Variants in PPP2R2C observed in about 807,000 individuals in gnomAD.
The protein encoded by PPP2R2C is protein phosphatase 2, regulatory subunit B, gamma.
In PPP2R2C, 10 loss-of-function variants were observed where a neutral mutation model predicts 45.3. That is an observed-to-expected ratio of 0.22 (90% CI 0.14 to 0.37). PPP2R2C has a LOEUF of 0.37. PPP2R2C is among the 10% of genes least tolerant of loss of function. The pLI is 1.00. For missense variants in PPP2R2C, 308 were observed against 619.7 expected (o/e 0.50, Z 5.34); for synonymous variants, 257 against 245.4 (o/e 1.05, Z -0.44).
intron 1 of PPP2R2C, among the ~76,000 whole-genome samples, chr4:6,393,875 C>T (rs1187244159): frequency 1.3e-5 from 2 of 152,178 alleles, no homozygotes; most frequent in African/African-American, 2.4e-5. Flanking sequence ...GTGCTCAGAG[C>T]CAGGATGACA....
chr4:6,351,857 C>T (rs1007255610), intron 5 of PPP2R2C, among the ~76,000 whole-genome samples: 3 of 152,152 alleles, frequency 2.0e-5, no homozygotes, highest in African/African-American at 7.2e-5. Flanking sequence ...CTGGTCCGTG[C>T]GACCGCCTCT....
At chr4:6,539,068 G>A (rs1724723704) in intron 1 of PPP2R2C, among the ~76,000 whole-genome samples, 1 of 152,000 alleles carries the variant, frequency 6.6e-6, no homozygotes, top group African/African-American at 2.4e-5. Context: ...AAATAGGGTA[G>A]TTGCAGATGA....
intron 1 of PPP2R2C, among the ~76,000 whole-genome samples, chr4:6,424,175 G>C (rs1719145466): frequency 6.6e-6 from 1 of 152,216 alleles, no homozygotes; most frequent in African/African-American, 2.4e-5. Flanking sequence ...TCCAGCTCTG[G>C]AGAGGAAGTC....
intron 4 of PPP2R2C, among the ~76,000 whole-genome samples, chr4:6,375,299 C>G (rs540706514): frequency 9.0e-4 from 137 of 152,304 alleles, no homozygotes; most frequent in African/African-American, 3.0e-3. Context: ...TATGGCGGCT[C>G]ACTGGATGCT....
At chr4:6,528,937 G>A (rs112947253) in intron 2 of PPP2R2C, among the ~76,000 whole-genome samples, 7 of 152,218 alleles carry the variant, frequency 4.6e-5, no homozygotes, top group African/African-American at 9.6e-5. Context: ...AGACTCAGCC[G>A]GCCTGCAACC....
At chr4:6,325,130 G>A (rs1338007245) in intron 8 of PPP2R2C, among the ~76,000 whole-genome samples, 1 of 152,124 alleles carries the variant, frequency 6.6e-6, no homozygotes, top group African/African-American at 2.4e-5. Context: ...AGTCCGCCTG[G>A]GTCCGGATCC....
chr4:6,337,110 G>GTATATATA (rs1207923428), intron 6 of PPP2R2C, among the ~76,000 whole-genome samples: 53 of 41,450 alleles, frequency 1.3e-3, no homozygotes, highest in Non-Finnish European at 1.5e-3. Context: ...GTATGTGTGT[G>GTATATATA]TGTATATATA....
chr4:6,479,307 G>T (rs192516620), intron 2 of PPP2R2C, among the ~76,000 whole-genome samples: 1 of 152,206 alleles, frequency 6.6e-6, no homozygotes, highest in Non-Finnish European at 1.5e-5. Flanking sequence ...CAAGCTTCCA[G>T]GTGGCTCTCT....
intron 2 of PPP2R2C, among the ~76,000 whole-genome samples, chr4:6,532,142 C>A (rs1724424962): frequency 6.6e-6 from 1 of 152,236 alleles, no homozygotes; most frequent in Non-Finnish European, 1.5e-5. Context: ...TCCAATAACA[C>A]CAACTTGTCC....
intron 1 of PPP2R2C, among the ~76,000 whole-genome samples, chr4:6,429,602 G>T (rs1719510206): frequency 6.6e-6 from 1 of 152,162 alleles, no homozygotes; most frequent in South Asian, 2.1e-4. Context: ...CTGCTGCTGG[G>T]TTAAGCAGCA....
intron 1 of PPP2R2C, among the ~76,000 whole-genome samples, chr4:6,555,976 T>C (rs1431432288): frequency 6.6e-6 from 1 of 152,136 alleles, no homozygotes; most frequent in Non-Finnish European, 1.5e-5. Flanking sequence ...TGCCCTATTT[T>C]GTGTGTGAGC....
chr4:6,347,771 C>T, intron 6 of PPP2R2C, 75 bp downstream of exon 6: 1 of 1,463,768 alleles, frequency 6.8e-7, no homozygotes, highest in Non-Finnish European at 9.1e-7. Flanking sequence ...CCTGCAGCAG[C>T]TGCACCAGGA....
intron 1 of PPP2R2C, among the ~76,000 whole-genome samples, chr4:6,436,028 T>G (rs1719876013): frequency 6.6e-6 from 1 of 152,208 alleles, no homozygotes; most frequent in South Asian, 2.1e-4. Flanking sequence ...TGAATGGGAT[T>G]AGTACCCTTA....
chr4:6,468,661 G>A (rs527628960), intron 1 of PPP2R2C, among the ~76,000 whole-genome samples: 1 of 152,174 alleles, frequency 6.6e-6, no homozygotes, highest in Non-Finnish European at 1.5e-5. Flanking sequence ...CTGAGCTCCT[G>A]TGTCTTGGTC....
intron 1 of PPP2R2C, among the ~76,000 whole-genome samples, chr4:6,435,295 A>G (rs1473954407): frequency 6.6e-6 from 1 of 152,040 alleles, no homozygotes; most frequent in Non-Finnish European, 1.5e-5. Context: ...TTCACTTTTT[A>G]GATGGGTTTA....
intron 5 of PPP2R2C, among the ~76,000 whole-genome samples, chr4:6,357,062 G>A (rs987155393): frequency 3.3e-5 from 5 of 150,394 alleles, no homozygotes; most frequent in South Asian, 2.1e-4. Context: ...CAGGGACAGC[G>A]AGGTGCTGGG....
At position 6,330,846 on chromosome 4, in the gene PPP2R2C, C is replaced by T. The variant is rs28479689; in HGVS notation, c.961-1493G>A. ...TGGTTAGACAAGGCTACCTGACTCC[C>T]GCCTGGGGCCCTGCTCATCCCTCCC... On this transcript the variant is annotated intron_variant, in intron 7 of 8. Transcript: ENST00000382599. The surrounding 1 kb of genome is among the most constrained non-coding windows in gnomAD (Gnocchi z 7.0). Among the ~76,000 whole-genome samples, 3,443 of 152,202 alleles carry T rather than the reference C, an allele frequency of 0.023. 121 individuals are homozygous for T. Among genetic ancestry groups the T allele is most frequent in the African/African-American group, 0.08 (3,298 of 41,478 alleles).
At chr4:6,366,098 T>C (rs976429442) in intron 5 of PPP2R2C, among the ~76,000 whole-genome samples, 1 of 152,222 alleles carries the variant, frequency 6.6e-6, no homozygotes, top group African/African-American at 2.4e-5. Flanking sequence ...CAATCTTAAA[T>C]GTTTGAAGGG....
At chr4:6,343,748 A>G (rs1356205044) in intron 6 of PPP2R2C, among the ~76,000 whole-genome samples, 1 of 152,164 alleles carries the variant, frequency 6.6e-6, no homozygotes, top group Non-Finnish European at 1.5e-5. Flanking sequence ...AAGGACACCA[A>G]ATAGATTTGC....
Sources: gnomAD v4.1 joint callset for allele counts (sites outside exome capture counted in the v4.1 genomes callset) on GRCh38, gnomAD v4.1.1 for gene constraint, Gnocchi (gnomAD v3.1) non-coding constraint, MANE v1.5 for transcripts, NCBI Gene and HGNC (gene_info 2026-07-23, HGNC 2026-07-21) for gene names.